Variants in NRG1 observed in about 807,000 individuals in gnomAD.
NRG1 encodes pro-neuregulin-1, membrane-bound isoform.
In NRG1, 18 loss-of-function variants were observed where a neutral mutation model predicts 63.8. The observed-to-expected ratio is 0.28, with a 90% confidence interval of 0.19 to 0.42. NRG1 has a LOEUF of 0.42. NRG1 is among the 10% of genes least tolerant of loss of function. NRG1 has a pLI of 1.00. For missense variants in NRG1, 762 were observed against 814.7 expected (o/e 0.94, Z 0.79); for synonymous variants, 302 against 301.3 (o/e 1.00, Z -0.02).
intron 1 of NRG1, among the ~76,000 whole-genome samples, chr8:31,831,419 G>C (rs1563456407): frequency 6.9e-6 from 1 of 144,302 alleles, no homozygotes. Flanking sequence ...CTTCTTAAAG[G>C]GTTTGAGATT....
chr8:32,063,758 A>T (rs1222622552), intron 1 of NRG1, among the ~76,000 whole-genome samples: 2 of 151,714 alleles, frequency 1.3e-5, no homozygotes, highest in East Asian at 3.9e-4. Flanking sequence ...ATTGTGTTTA[A>T]TACACTTTTT....
chr8:32,360,013 T>C (rs1807003102), intron 1 of NRG1, among the ~76,000 whole-genome samples: 1 of 152,198 alleles, frequency 6.6e-6, no homozygotes, highest in African/African-American at 2.4e-5. Context: ...CGACATGTGG[T>C]AAGGTAACCA....
intron 1 of NRG1, among the ~76,000 whole-genome samples, chr8:32,098,432 T>C (rs1244246921): frequency 1.3e-5 from 2 of 152,164 alleles, no homozygotes; most frequent in African/African-American, 4.8e-5. Flanking sequence ...AATAACGGCT[T>C]GGTAATGGAT....
intron 1 of NRG1, among the ~76,000 whole-genome samples, chr8:31,952,570 G>C (rs1586025734): frequency 6.6e-6 from 1 of 152,158 alleles, no homozygotes; most frequent in African/African-American, 2.4e-5. Flanking sequence ...TTCTCACTTG[G>C]ATTTTGGCTT....
Position 32,619,115 on chromosome 8 carries a change from G to A in NRG1, c.502+2230G>A, listed in dbSNP as rs1169582392. ...TGTAGTCCCACCTTCTTGGGAGGCT[G>A]AGGTGGGAGGATCACTTGAACTCAG... On this transcript the variant is annotated intron_variant, in intron 5 of 11. Transcript: ENST00000356819. Among the ~76,000 whole-genome samples the A allele has an allele frequency of 3.3e-5, 5 of 152,256 alleles. No individual in the cohort carries two copies. In the East Asian group the frequency reaches 9.7e-4, roughly 29 times the overall value.
At chr8:32,305,674 A>T (rs1856111711) in intron 1 of NRG1, among the ~76,000 whole-genome samples, 1 of 152,182 alleles carries the variant, frequency 6.6e-6, no homozygotes, top group South Asian at 2.1e-4. Context: ...ATCTCACAGG[A>T]TGTTCACCCA....
intron 1 of NRG1, among the ~76,000 whole-genome samples, chr8:32,274,805 A>G (rs1212009949): frequency 6.6e-6 from 1 of 152,190 alleles, no homozygotes; most frequent in Non-Finnish European, 1.5e-5. Flanking sequence ...CAAACCCTCC[A>G]ACAAATGTAT....
chr8:32,076,118 C>G (rs1239285569), intron 1 of NRG1, among the ~76,000 whole-genome samples: 3 of 152,150 alleles, frequency 2.0e-5, no homozygotes, highest in Non-Finnish European at 2.9e-5. Flanking sequence ...GCCTAAATGC[C>G]TTAGGTACTT....
At chr8:32,166,216 G>A (rs1028552986) in intron 1 of NRG1, among the ~76,000 whole-genome samples, 12 of 152,158 alleles carry the variant, frequency 7.9e-5, no homozygotes, top group South Asian at 2.1e-4. Flanking sequence ...TAGAGAATGA[G>A]AGAGGAGCAA....
rs149875824 is a variant in NRG1, at chr8:31,913,473, G to A, written c.37+274042G>A. On this transcript the variant is annotated intron_variant, in intron 1 of 10. Coordinates refer to the NRG1 transcript ENST00000519301. ...ATTGCTTAGAGAAGTTGAGGAGTTC[G>A]TCAAAATCCACCATGCTTATTTATT... 1.4e-4 allele frequency among the ~76,000 whole-genome samples: 22 copies of A among 152,182 alleles called. No individual in the cohort carries two copies. In the East Asian group the frequency reaches 2.3e-3, roughly 16 times the overall value.
At chr8:32,285,269 G>C (rs77828259) in intron 1 of NRG1, among the ~76,000 whole-genome samples, 7,346 of 152,132 alleles carry the variant, frequency 0.048, 461 homozygotes, top group African/African-American at 0.14. Flanking sequence ...GTTCGGAGAG[G>C]TGGAACTTCC....
intron 1 of NRG1, among the ~76,000 whole-genome samples, chr8:32,542,234 T>A (rs1359986234): frequency 6.6e-6 from 1 of 152,190 alleles, no homozygotes; most frequent in African/African-American, 2.4e-5. Flanking sequence ...CCTCACCTTT[T>A]AGAGAAGGTA....
chr8:31,749,082 T>G (rs1816185809), intron 1 of NRG1, among the ~76,000 whole-genome samples: 1 of 151,872 alleles, frequency 6.6e-6, no homozygotes, highest in Non-Finnish European at 1.5e-5. Flanking sequence ...ATGCAGCCAT[T>G]AAAAACTATG....
At chr8:32,572,299 A>T (rs894898243) in intron 1 of NRG1, among the ~76,000 whole-genome samples, 5 of 152,210 alleles carry the variant, frequency 3.3e-5, no homozygotes, top group African/African-American at 1.2e-4. Context: ...ACAATTTTAT[A>T]AGCAATGTGA....
At chr8:32,601,680 C>A (rs750408591) in intron 2 of NRG1, among the ~76,000 whole-genome samples, 1 of 151,836 alleles carries the variant, frequency 6.6e-6, no homozygotes, top group Non-Finnish European at 1.5e-5. Flanking sequence ...GATTTCTAGG[C>A]CCTATTCAAT....
At chr8:32,730,878 T>A (rs1167667019) in intron 6 of NRG1, among the ~76,000 whole-genome samples, 1 of 152,198 alleles carries the variant, frequency 6.6e-6, no homozygotes, top group Non-Finnish European at 1.5e-5. Context: ...TAAATCTCCT[T>A]GAAAAAGCAT....
intron 1 of NRG1, among the ~76,000 whole-genome samples, chr8:32,045,691 A>G (rs1451835729): frequency 6.6e-6 from 1 of 151,966 alleles, no homozygotes; most frequent in Admixed American, 6.6e-5. Flanking sequence ...AAAGATGCAA[A>G]AGCAACTTAC....
intron 1 of NRG1, among the ~76,000 whole-genome samples, chr8:32,083,747 A>T (rs569451827): frequency 1.3e-5 from 2 of 151,764 alleles, no homozygotes; most frequent in South Asian, 2.1e-4. Flanking sequence ...GAAAACATTA[A>T]GTCTTATTTC....
rs921494746 is a variant in NRG1, at chr8:32,159,488, T to G, written c.38-436340T>G. Reference sequence around the variant, plus strand: ...AGCGGTGCTTGCAGTGAGCCGAGATTGCGCCACTGCAGTCCGCAGTCCGGC... The same window carrying G: ...AGCGGTGCTTGCAGTGAGCCGAGATGGCGCCACTGCAGTCCGCAGTCCGGC... On this transcript the variant is annotated intron_variant, in intron 1 of 10. Coordinates refer to the NRG1 transcript ENST00000519301. 3.5e-5 allele frequency among the ~76,000 whole-genome samples: 5 copies of G among 144,268 alleles called. No individual in the cohort carries two copies. In the South Asian group the frequency reaches 1.1e-3, roughly 31 times the overall value. 94.6% of individuals were successfully genotyped at this position (144,268 alleles called of 152,430 possible).
Sources: allele counts gnomAD v4.1 joint callset (sites outside exome capture counted in the v4.1 genomes callset), GRCh38; gene constraint gnomAD v4.1.1; transcripts MANE v1.5; gene names NCBI Gene and HGNC (gene_info 2026-07-23, HGNC 2026-07-21).